The following VSIR variants were observed in gnomAD, a reference collection of about 807,000 sequenced individuals.
The protein encoded by VSIR is V-set immunoregulatory receptor.
In VSIR, 10 loss-of-function variants were observed where a neutral mutation model predicts 31.0. The ratio of observed to expected loss-of-function variants is 0.32; its 90% CI spans 0.20 to 0.55. The LOEUF is 0.55. Ranked by LOEUF, VSIR falls within the 20% of genes least tolerant of loss-of-function variation. The pLI is 0.93. For synonymous variants in VSIR, 179 were observed against 180.1 expected, an observed-to-expected ratio of 0.99 and a Z score of 0.05; for missense variants, 356 against 416.2, an observed-to-expected ratio of 0.86 and a Z score of 1.26.
chr10:71,755,379 C>G lies in VSIR; in HGVS notation c.656G>C (p.Arg219Thr). ...PLILLLVYKQ[R>T]QAASNRRAQE... ...CTCACGGCGGTTGGAGGCTGCCTGC[C>G]TTTGCTTGTAGACCAGGAGCAGGAT... is the stretch of plus-strand genomic sequence containing the variant. The change falls in exon 4 of 7, where the codon AGG becomes ACG. Residue 219 changes from arginine to threonine, a missense_variant. Physicochemically the swap from Arg to Thr is moderately conservative, Grantham distance 71. Coordinates refer to ENST00000394957, the MANE Select transcript of VSIR (RefSeq NM_022153.2). 6.2e-7 allele frequency: 1 copy of G among 1,612,396 alleles called. No individual in the cohort carries two copies. The highest frequency in any genetic ancestry group is 2.2e-5 in the East Asian group (1 of 44,858).
Position 71,751,706 on chromosome 10 carries a change from G to A in VSIR, c.860C>T (p.Ser287Phe). Residue 287 changes from serine (S) to phenylalanine (F), a missense_variant, in exon 6 of 7, where the codon TCT (serine) becomes TTT (phenylalanine). By Grantham distance (155) the Ser-to-Phe change is radical. Coordinates refer to ENST00000394957, the MANE Select transcript of VSIR (RefSeq NM_022153.2). This position sits in a 1 kb window ranked among gnomAD's most constrained non-coding sequence, Gnocchi z 4.9. ...GAAGACGTCTCCGGGGCCTGGAGGA[G>A]ACAGGGGGGTGCTGGGCTCCGAAAG... ...HLLSEPSTPL[S>F]PPGPGDVFFP... The A allele has an allele frequency of 1.9e-6, 3 of 1,564,332 alleles. No individual in the cohort carries two copies. Among genetic ancestry groups the A allele is most frequent in the Non-Finnish European group, 1.7e-6 (2 of 1,158,008 alleles).
At chr10:71,752,424 G>C (rs1840027654) in intron 5 of VSIR, among the ~76,000 whole-genome samples, 1 of 152,176 alleles carries the variant, frequency 6.6e-6, no homozygotes, top group African/African-American at 2.4e-5. Flanking sequence ...GCAGGTACCG[G>C]GGCAGGAACT....
intron 3 of VSIR, among the ~76,000 whole-genome samples, chr10:71,759,984 T>C (rs1391313471): frequency 2.9e-5 from 2 of 69,828 alleles, no homozygotes; most frequent in South Asian, 4.5e-4. Flanking sequence ...CACACACATA[T>C]ATATACACAC....
Position 71,761,686 on chromosome 10 carries a change from G to A in VSIR, c.423C>T (p.Ser141=), listed in dbSNP as rs773460839. The change falls in exon 2 of 7, where the codon AGC becomes AGT. Residue 141 remains serine (S), a synonymous_variant. Transcript: ENST00000394957. The part of the protein sequence containing the change: ...ITMRNLTLLD[S]GLYCCLVVEI... ...CCACCACCAGGCAGCAGTAGAGGCC[G>A]CTATCCAGCAGGGTCAGGTTGCGCA... The A allele has an allele frequency of 2.1e-5, 34 of 1,613,892 alleles. No individual in the cohort carries two copies. Among genetic ancestry groups the A allele is most frequent in the African/African-American group, 1.5e-4 (11 of 75,050 alleles).
chr10:71,756,467 T>G (rs536017575), intron 3 of VSIR, among the ~76,000 whole-genome samples: 2 of 152,352 alleles, frequency 1.3e-5, no homozygotes, highest in South Asian at 2.1e-4. Context: ...AATGAACTTG[T>G]GCACGCAGCC....
Position 71,762,579 on chromosome 10 carries a change from C to T in VSIR, c.83-553G>A, listed in dbSNP as rs542546234. Among the ~76,000 whole-genome samples, 8 of 152,320 alleles carry T rather than the reference C, an allele frequency of 5.3e-5. No individual in the cohort carries two copies. In the East Asian group the frequency reaches 5.8e-4, roughly 11 times the overall value. ...CTTGAGCAGACGAGGCCTGCATTCC[C>T]GACAGCAGAACCCCATGGCAAAGGC... On this transcript the variant is annotated intron_variant, in intron 1 of 6. Transcript: ENST00000394957.
At chr10:71,769,679 T>C (rs1375291351) in intron 1 of VSIR, among the ~76,000 whole-genome samples, 1 of 152,154 alleles carries the variant, frequency 6.6e-6, no homozygotes, top group South Asian at 2.1e-4. Context: ...GTTCCCATGA[T>C]GAGTGAACAG....
rs1564779572 is a variant in VSIR, at chr10:71,760,000, T to TATATACACACAC, written c.568+867_568+868insGTGTGTGTATAT. 3.2e-3 allele frequency among the ~76,000 whole-genome samples: 85 copies of TATATACACACAC among 26,722 alleles called. 10 individuals are homozygous for TATATACACACAC. Among genetic ancestry groups the TATATACACACAC allele is most frequent in the South Asian group, 7.8e-3 (6 of 772 alleles). The allele number at this position is 26,722 out of a possible 152,430, so 17.5% of individuals were successfully genotyped here. On this transcript the variant is annotated intron_variant, in intron 3 of 6. Transcript: ENST00000394957. ...ACACACATATATATACACACACACA[T>TATATACACACAC]ACATATATATACACACACACATATA... is the stretch of plus-strand genomic sequence containing the variant.
intron 4 of VSIR, chr10:71,753,675 A>C: frequency 2.3e-6 from 1 of 439,432 alleles, no homozygotes; most frequent in Non-Finnish European, 4.6e-6. Context: ...AATTAGATGC[A>C]GTGACCCCAA....
intron 1 of VSIR, among the ~76,000 whole-genome samples, chr10:71,765,025 T>C (rs571928938): frequency 6.6e-6 from 1 of 152,208 alleles, no homozygotes; most frequent in Non-Finnish European, 1.5e-5. Context: ...GTGGGGTGGG[T>C]GTAGCTGCAA....
At chr10:71,755,216 G>A (rs1362923078) in intron 4 of VSIR, 143 bp downstream of exon 4, 1 of 826,672 alleles carries the variant, frequency 1.2e-6, no homozygotes, top group Non-Finnish European at 1.9e-6. Flanking sequence ...CCCAGCTCCT[G>A]GCGGGAAGTG....
chr10:71,754,377 C>T (rs752434704), intron 4 of VSIR, among the ~76,000 whole-genome samples: 4 of 152,258 alleles, frequency 2.6e-5, no homozygotes, highest in Non-Finnish European at 4.4e-5. Context: ...TGTTAAGGGC[C>T]GGCCACAGGA....
At chr10:71,759,323 C>T (rs1432478709) in intron 3 of VSIR, among the ~76,000 whole-genome samples, 1 of 151,886 alleles carries the variant, frequency 6.6e-6, no homozygotes, top group African/African-American at 2.4e-5. Context: ...CAGGCGTGAG[C>T]CACCGCACCT....
chr10:71,752,059 G>C, intron 5 of VSIR, 198 bp from the exon 6 acceptor site: 1 of 716,432 alleles, frequency 1.4e-6, no homozygotes. Flanking sequence ...CCTGTCCTGA[G>C]CTGAGGGCAT....
intron 1 of VSIR, among the ~76,000 whole-genome samples, chr10:71,762,990 C>T (rs1840433945): frequency 6.6e-6 from 1 of 152,074 alleles, no homozygotes; most frequent in African/African-American, 2.4e-5. Flanking sequence ...GGATAGAGGC[C>T]GCGTTTCTAT....
In VSIR at chr10:71,751,353, C is replaced by T. The variant is rs1040406837; in HGVS notation, c.899-63G>A. ...CTGCCCCTCACCCTCAACCCCACCC[C>T]GTGAGGCCGTGGAACTCTTCAGGGA... On this transcript the variant is annotated intron_variant, in intron 6 of 6. Transcript: ENST00000394957. The surrounding 1 kb of genome is among the most constrained non-coding windows in gnomAD (Gnocchi z 4.9). 42 of 1,517,120 alleles carry T rather than the reference C, an allele frequency of 2.8e-5. No individual in the cohort carries two copies. The highest frequency in any genetic ancestry group is 2.5e-4 in the African/African-American group (18 of 72,414). The allele number at this position is 1,517,120 out of a possible 1,614,324, so 94.0% of individuals were successfully genotyped here. A position where few individuals can be genotyped will look rare whatever the true frequency, so the allele number is the denominator to read the frequency against.
At chr10:71,758,127 A>T (rs1397124652) in intron 3 of VSIR, among the ~76,000 whole-genome samples, 3 of 152,172 alleles carry the variant, frequency 2.0e-5, no homozygotes, top group Admixed American at 2.0e-4. Flanking sequence ...TGAGCCCAGG[A>T]GTTCGAGACC....
At chr10:71,767,823 G>A (rs1840590132) in intron 1 of VSIR, among the ~76,000 whole-genome samples, 1 of 152,236 alleles carries the variant, frequency 6.6e-6, no homozygotes, top group African/African-American at 2.4e-5. Flanking sequence ...GGCTGGGAAG[G>A]GGAAGCCAGG....
At chr10:71,764,651 C>A (rs528993736) in intron 1 of VSIR, among the ~76,000 whole-genome samples, 18 of 152,282 alleles carry the variant, frequency 1.2e-4, no homozygotes, top group Admixed American at 6.5e-4. Context: ...CACTCCAGTT[C>A]GCCAGAGTCC....
Sources: allele counts gnomAD v4.1 joint callset (sites outside exome capture counted in the v4.1 genomes callset), GRCh38; gene constraint gnomAD v4.1.1; non-coding constraint Gnocchi (gnomAD v3.1); transcripts MANE v1.5; gene names NCBI Gene and HGNC (gene_info 2026-07-23, HGNC 2026-07-21).